Variants in NMNAT2 observed in about 807,000 individuals in gnomAD.
The protein encoded by NMNAT2 is nicotinamide nucleotide adenylyltransferase 2.
Under a neutral mutation model 41.6 loss-of-function variants are expected in NMNAT2, and 11 were observed. The ratio of observed to expected loss-of-function variants is 0.26; its 90% CI spans 0.17 to 0.44. NMNAT2 has a LOEUF of 0.44. Ranked by LOEUF, NMNAT2 falls within the 20% of genes least tolerant of loss-of-function variation. The probability of loss-of-function intolerance (pLI) is 1.00; values close to 1 mark genes in which losing one functional copy is unlikely to be tolerated. For synonymous variants in NMNAT2, 148 were observed against 151.2 expected (o/e 0.98, Z 0.16); for missense variants, 288 against 407.7 (o/e 0.71, Z 2.53).
At chr1:183,408,001 G>A (rs1649008374) in intron 1 of NMNAT2, among the ~76,000 whole-genome samples, 2 of 152,160 alleles carry the variant, frequency 1.3e-5, no homozygotes, top group Non-Finnish European at 1.5e-5. Flanking sequence ...CATTTACCCA[G>A]TCAGCCAGAA....
chr1:183,303,132 G>A (rs988852005), intron 1 of NMNAT2, among the ~76,000 whole-genome samples: 3 of 152,114 alleles, frequency 2.0e-5, no homozygotes, highest in Admixed American at 2.0e-4. Flanking sequence ...TCCTTTTCTT[G>A]GCTTTATTTG....
chr1:183,341,282 C>G (rs1249571748), intron 1 of NMNAT2, among the ~76,000 whole-genome samples: 1 of 152,054 alleles, frequency 6.6e-6, no homozygotes, highest in East Asian at 1.9e-4. Context: ...TTAGTTGCTC[C>G]CATTCTGAAA....
intron 5 of NMNAT2, among the ~76,000 whole-genome samples, chr1:183,286,429 C>T (rs1661400410): frequency 6.6e-6 from 1 of 152,102 alleles, no homozygotes; most frequent in Admixed American, 6.6e-5. Context: ...GAGTGCACAC[C>T]ACCACCTGCC....
intron 3 of NMNAT2, among the ~76,000 whole-genome samples, chr1:183,291,830 GCTGT>G (rs796408952): frequency 1.1e-4 from 17 of 152,322 alleles, no homozygotes; most frequent in African/African-American, 3.4e-4. Flanking sequence ...AGAAAAAGCA[GCTGT>G]CTCTCTACCT....
chr1:183,267,786 G>A (rs1213537502), intron 8 of NMNAT2, among the ~76,000 whole-genome samples: 3 of 152,162 alleles, frequency 2.0e-5, no homozygotes, highest in Non-Finnish European at 2.9e-5. Flanking sequence ...TGCCCTTGGG[G>A]GTGGAGAGGT....
intron 6 of NMNAT2, 123 bp downstream of exon 6, chr1:183,284,585 GCA>G (rs1661352225): frequency 3.8e-5 from 31 of 809,032 alleles, no homozygotes; most frequent in Non-Finnish European, 5.2e-5. Context: ...GCACAAGTAC[GCA>G]CACACACACA....
At chr1:183,344,825 A>G (rs1662890857) in intron 1 of NMNAT2, among the ~76,000 whole-genome samples, 1 of 152,240 alleles carries the variant, frequency 6.6e-6, no homozygotes. Flanking sequence ...AAGCTGAGAA[A>G]GGTAGAGCAT....
At chr1:183,341,720 A>C (rs1282258992) in intron 1 of NMNAT2, among the ~76,000 whole-genome samples, 1 of 123,912 alleles carries the variant, frequency 8.1e-6, no homozygotes, top group Non-Finnish European at 1.7e-5. Context: ...CAAACAAACA[A>C]ACACCAAAAA....
At chr1:183,266,048 G>T (rs1397088616) in intron 8 of NMNAT2, among the ~76,000 whole-genome samples, 1 of 152,216 alleles carries the variant, frequency 6.6e-6, no homozygotes, top group African/African-American at 2.4e-5. Flanking sequence ...AGCTCTAGAA[G>T]CTGGAAAAGT....
intron 1 of NMNAT2, among the ~76,000 whole-genome samples, chr1:183,297,574 G>T (rs1054693545): frequency 6.6e-6 from 1 of 152,006 alleles, no homozygotes; most frequent in Non-Finnish European, 1.5e-5. Context: ...TAGAGACGAG[G>T]TTTCTCCATG....
chr1:183,256,488 G>A (rs1660519315), intron 10 of NMNAT2, among the ~76,000 whole-genome samples: 1 of 152,168 alleles, frequency 6.6e-6, no homozygotes, highest in South Asian at 2.1e-4. Context: ...TATTTAAACT[G>A]TTAAGAATCT....
At chr1:183,266,749 C>A in intron 8 of NMNAT2, 2 of 215,364 alleles carry the variant, frequency 9.3e-6, no homozygotes, top group South Asian at 1.2e-4. Flanking sequence ...TTAGAAAATT[C>A]AAGCTAATTA....
At chr1:183,273,610 C>T (rs1571565228) in intron 8 of NMNAT2, among the ~76,000 whole-genome samples, 1 of 152,318 alleles carries the variant, frequency 6.6e-6, no homozygotes, top group East Asian at 1.9e-4. Flanking sequence ...TGTTCCTTTT[C>T]CAGACCTTGA....
intron 8 of NMNAT2, among the ~76,000 whole-genome samples, chr1:183,275,201 G>A (rs2102294176): frequency 6.6e-6 from 1 of 152,308 alleles, no homozygotes; most frequent in Middle Eastern, 3.4e-3. Context: ...TAATGGCTGA[G>A]ACTAAAATTA....
At chr1:183,269,945 G>A (rs1218908901) in intron 8 of NMNAT2, among the ~76,000 whole-genome samples, 3 of 151,994 alleles carry the variant, frequency 2.0e-5, no homozygotes, top group Non-Finnish European at 4.4e-5. Flanking sequence ...GTGCAGTGGC[G>A]CCATCTCAGC....
chr1:183,342,743 T>A (rs1240367870), intron 1 of NMNAT2, among the ~76,000 whole-genome samples: 1 of 149,628 alleles, frequency 6.7e-6, no homozygotes, highest in African/African-American at 2.5e-5. Context: ...TTTAATTTAA[T>A]TTTTTTTTGA....
At chr1:183,402,889 CAG>C (rs1343439120) in intron 1 of NMNAT2, among the ~76,000 whole-genome samples, 2 of 91,674 alleles carry the variant, frequency 2.2e-5, no homozygotes, top group Admixed American at 1.2e-4. Flanking sequence ...TTAATCTCTA[CAG>C]ATTGGACTTT....
chr1:183,362,689 T>C (rs1316002952), intron 1 of NMNAT2, among the ~76,000 whole-genome samples: 1 of 152,248 alleles, frequency 6.6e-6, no homozygotes, highest in Non-Finnish European at 1.5e-5. Flanking sequence ...GGGTTGTTTT[T>C]TTCCTTTTAT....
intron 1 of NMNAT2, among the ~76,000 whole-genome samples, chr1:183,331,722 G>T (rs1662590079): frequency 6.6e-6 from 1 of 152,140 alleles, no homozygotes; most frequent in Admixed American, 6.5e-5. Flanking sequence ...GGGGAACACA[G>T]CCCACCCCCA....
Sources: allele counts gnomAD v4.1 joint callset (sites outside exome capture counted in the v4.1 genomes callset), GRCh38; gene constraint gnomAD v4.1.1; transcripts MANE v1.5; gene names NCBI Gene and HGNC (gene_info 2026-07-23, HGNC 2026-07-21).